The following TRPM3 variants were observed in gnomAD, a reference collection of about 807,000 sequenced individuals.
TRPM3 encodes the protein long transient receptor potential channel 3.
In TRPM3, 77 loss-of-function variants were observed where a neutral mutation model predicts 181.2. The ratio of observed to expected loss-of-function variants is 0.42; its 90% confidence interval spans 0.35 to 0.51. The LOEUF (loss-of-function observed/expected upper bound fraction) is 0.51, where lower values mean the gene tolerates loss of function less well. Among genes scored for constraint, TRPM3 ranks in the 20% least tolerant of loss-of-function variants. TRPM3 has a pLI of 0.01. For missense variants in TRPM3, 1,759 were observed against 2,196.7 expected, an observed-to-expected ratio of 0.80 and a Z score of 3.98; for synonymous variants, 745 against 796.4, an observed-to-expected ratio of 0.94 and a Z score of 1.09.
intron 1 of TRPM3, among the ~76,000 whole-genome samples, chr9:71,166,921 G>T (rs1210147719): frequency 2.6e-5 from 4 of 152,020 alleles, no homozygotes; most frequent in Non-Finnish European, 5.9e-5. Flanking sequence ...ATTAATAAAA[G>T]GCATGATGAG....
At chr9:71,134,168 A>G (rs947662225) in intron 1 of TRPM3, among the ~76,000 whole-genome samples, 4 of 152,164 alleles carry the variant, frequency 2.6e-5, no homozygotes, top group Non-Finnish European at 5.9e-5. Flanking sequence ...GTGTGATAAC[A>G]TTTCTTAAGT....
At chr9:71,051,515 C>T (rs954952982) in intron 1 of TRPM3, among the ~76,000 whole-genome samples, 3 of 152,128 alleles carry the variant, frequency 2.0e-5, no homozygotes, top group African/African-American at 7.2e-5. Flanking sequence ...CAATCATCCT[C>T]CACCCATAGC....
chr9:71,327,546 G>A (rs1486452976), intron 1 of TRPM3, among the ~76,000 whole-genome samples: 2 of 152,126 alleles, frequency 1.3e-5, no homozygotes, highest in Non-Finnish European at 2.9e-5. Context: ...CCTAGGAACA[G>A]GGAAAACAGT....
chr9:70,662,824 C>T (rs1224705137), intron 9 of TRPM3, among the ~76,000 whole-genome samples: 1 of 152,092 alleles, frequency 6.6e-6, no homozygotes, highest in Admixed American at 6.6e-5. Context: ...CTACAGAAAA[C>T]AGTATGTGGA....
intron 1 of TRPM3, among the ~76,000 whole-genome samples, chr9:71,379,706 T>TTA (rs1554887515): frequency 5.3e-5 from 8 of 151,682 alleles, no homozygotes; most frequent in East Asian, 2.0e-4. Flanking sequence ...TCTTTTTTTT[T>TTA]AATTCAAATA....
In TRPM3 at chr9:70,842,664, G is replaced by A. The variant is rs116799511; in HGVS notation, c.801+339C>T. On this transcript the variant is annotated intron_variant, in intron 5 of 25. Transcript: ENST00000677713. ...TATCTGTCAATGAGTTCATGTTGCC[G>A]TATATTAAGTGGTGTTAATTAATCT... Among the ~76,000 whole-genome samples, 9 of 152,176 alleles carry A rather than the reference G, an allele frequency of 5.9e-5. No homozygotes were observed. The South Asian group carries it at 8.3e-4, about 14-fold the overall frequency.
chr9:70,885,105 C>T (rs1383034952), intron 1 of TRPM3, among the ~76,000 whole-genome samples: 1 of 152,190 alleles, frequency 6.6e-6, no homozygotes, highest in Non-Finnish European at 1.5e-5. Context: ...TCTAACTGCA[C>T]TTTTCTAACA....
At chr9:71,108,040 A>G (rs2070127965) in intron 1 of TRPM3, among the ~76,000 whole-genome samples, 1 of 152,188 alleles carries the variant, frequency 6.6e-6, no homozygotes, top group Non-Finnish European at 1.5e-5. Flanking sequence ...ACATCTGAAC[A>G]CATCCTGCCA....
chr9:71,064,071 T>A (rs934678478), intron 1 of TRPM3, among the ~76,000 whole-genome samples: 1 of 152,094 alleles, frequency 6.6e-6, no homozygotes, highest in Non-Finnish European at 1.5e-5. Flanking sequence ...ATTAAAGAAG[T>A]TTCTAAAATA....
chr9:70,981,812 T>C (rs973867964), intron 1 of TRPM3, among the ~76,000 whole-genome samples: 1 of 152,120 alleles, frequency 6.6e-6, no homozygotes, highest in African/African-American at 2.4e-5. Flanking sequence ...ACACACATAA[T>C]AGAAAGTTCA....
At chr9:70,968,972 A>G (rs2097211711) in intron 1 of TRPM3, among the ~76,000 whole-genome samples, 1 of 152,140 alleles carries the variant, frequency 6.6e-6, no homozygotes, top group East Asian at 1.9e-4. Flanking sequence ...CATGTCTAAA[A>G]CACTAAGAGC....
At chr9:70,688,771 A>G (rs1466153557) in intron 8 of TRPM3, among the ~76,000 whole-genome samples, 1 of 152,114 alleles carries the variant, frequency 6.6e-6, no homozygotes, top group African/African-American at 2.4e-5. Context: ...TTCAGTAGAC[A>G]TGTGCATTTA....
At chr9:70,658,790 A>T (rs985673507) in intron 9 of TRPM3, among the ~76,000 whole-genome samples, 3 of 152,054 alleles carry the variant, frequency 2.0e-5, no homozygotes, top group Non-Finnish European at 4.4e-5. Context: ...AGATTGTGAC[A>T]TCAGAATAGG....
chr9:71,269,001 A>C (rs2083588053), intron 1 of TRPM3, among the ~76,000 whole-genome samples: 1 of 152,170 alleles, frequency 6.6e-6, no homozygotes, highest in African/African-American at 2.4e-5. Context: ...ACACAAAAGC[A>C]CATGATTTAC....
intron 1 of TRPM3, among the ~76,000 whole-genome samples, chr9:71,216,727 T>C (rs2079890407): frequency 6.6e-6 from 1 of 152,190 alleles, no homozygotes; most frequent in Admixed American, 6.5e-5. Flanking sequence ...TCTATCTTAC[T>C]CATCATTCTG....
At chr9:70,662,199 C>T (rs1465990106) in intron 9 of TRPM3, among the ~76,000 whole-genome samples, 1 of 152,102 alleles carries the variant, frequency 6.6e-6, no homozygotes, top group Non-Finnish European at 1.5e-5. Flanking sequence ...ATAAATGGTG[C>T]TGGGAAAACT....
chr9:71,090,015 C>T (rs1391850994), intron 1 of TRPM3, among the ~76,000 whole-genome samples: 2 of 152,164 alleles, frequency 1.3e-5, no homozygotes, highest in South Asian at 2.1e-4. Context: ...AATTTGCATT[C>T]GGCCACATTC....
At chr9:70,794,409 T>C (rs1330248084) in intron 6 of TRPM3, among the ~76,000 whole-genome samples, 1 of 152,174 alleles carries the variant, frequency 6.6e-6, no homozygotes, top group Non-Finnish European at 1.5e-5. Context: ...AGCACCACCT[T>C]CTACATTCCA....
At chr9:71,304,871 A>T (rs2132352932) in intron 1 of TRPM3, among the ~76,000 whole-genome samples, 1 of 152,282 alleles carries the variant, frequency 6.6e-6, no homozygotes, top group Non-Finnish European at 1.5e-5. Context: ...TCTCATTTTG[A>T]TCATGGTCTT....
Sources: gnomAD v4.1 joint callset for allele counts (sites outside exome capture counted in the v4.1 genomes callset) on GRCh38, gnomAD v4.1.1 for gene constraint, MANE v1.5 for transcripts, NCBI Gene and HGNC (gene_info 2026-07-23, HGNC 2026-07-21) for gene names.